AVEN: variants seen among roughly 807,000 people sequenced by gnomAD.
The protein encoded by AVEN is cell death regulator Aven.
AVEN carries 41 observed loss-of-function variants against 38.1 expected under a neutral mutation model. That is an observed-to-expected ratio of 1.08 (90% CI 0.84 to 1.40). The LOEUF is 1.40. Ranked by LOEUF, AVEN falls within the 40% of genes most tolerant of loss-of-function variation. The probability of loss-of-function intolerance (pLI) is 0.00; values close to 1 mark genes in which losing one functional copy is unlikely to be tolerated. For synonymous variants in AVEN, 206 were observed against 171.8 expected (o/e 1.20, Z -1.56); for missense variants, 605 against 438.8 (o/e 1.38, Z -3.38).
At chr15:33,864,058 G>C, downstream of AVEN, 1 of 1,067,190 alleles carries the variant, frequency 9.4e-7, no homozygotes, top group Non-Finnish European at 1.4e-6. Context: ...TAGCCTTTCT[G>C]AGCCCTGATC....
At chr15:33,997,389 C>T (rs979654383) in intron 2 of AVEN, among the ~76,000 whole-genome samples, 3 of 152,028 alleles carry the variant, frequency 2.0e-5, no homozygotes, top group East Asian at 3.9e-4. Context: ...AAAGCAAGCA[C>T]CACAAATACA....
At chr15:34,041,444 G>C (rs1287941844), upstream of AVEN, among the ~76,000 whole-genome samples, 3 of 152,222 alleles carry the variant, frequency 2.0e-5, no homozygotes, top group Non-Finnish European at 4.4e-5. Flanking sequence ...AATGTAGTGA[G>C]AGACGAGACC....
chr15:33,888,068 C>T (rs1891776605), intron 2 of AVEN, among the ~76,000 whole-genome samples: 1 of 152,012 alleles, frequency 6.6e-6, no homozygotes. Flanking sequence ...AGTAACCCCT[C>T]CGTGACAGCA....
chr15:33,894,142 G>A (rs1892107458), intron 2 of AVEN, among the ~76,000 whole-genome samples: 1 of 151,984 alleles, frequency 6.6e-6, no homozygotes, highest in African/African-American at 2.4e-5. Flanking sequence ...TAGAGATGGG[G>A]TTTCGCTATG....
intron 5 of AVEN, among the ~76,000 whole-genome samples, chr15:34,059,088 G>T (rs539415343): frequency 8.6e-5 from 13 of 152,044 alleles, no homozygotes; most frequent in African/African-American, 3.1e-4. Context: ...GTAGAGACAG[G>T]GTTTCATCAT....
intron 2 of AVEN, among the ~76,000 whole-genome samples, chr15:33,950,760 C>T (rs1468752036): frequency 1.3e-5 from 2 of 152,190 alleles, no homozygotes; most frequent in African/African-American, 2.4e-5. Context: ...AATCTCAGCA[C>T]TTTGGGAGGC....
chr15:34,038,677 T>C (rs1303515818), intron 1 of AVEN, 103 bp downstream of exon 1: 1 of 1,016,784 alleles, frequency 9.8e-7, no homozygotes, highest in South Asian at 4.7e-5. Flanking sequence ...GCCGCCCGTC[T>C]GGCGCGCGCC....
chr15:33,867,523 T>C lies in AVEN; in HGVS notation c.945A>G (p.Glu315=). The C allele has an allele frequency of 6.3e-7, 1 of 1,591,890 alleles. No homozygotes were observed. The highest frequency in any genetic ancestry group is 1.2e-5 in the South Asian group (1 of 86,482). ...DQTSQDLKSK[E]DGEVVQEEEV... ...CTTCCTCTTGGACCACCTCCCCATC[T>C]TCCTTGGATTTCAGGTCCTGAGACG... is the stretch of plus-strand genomic sequence containing the variant. The change falls in exon 5 of 6, where the codon GAA becomes GAG. Residue 315 remains glutamate (E), a synonymous_variant. Coordinates refer to ENST00000306730, the MANE Select transcript of AVEN (RefSeq NM_020371.3).
At chr15:33,899,460 C>CTTTTTTTTTTTTTTGTTTTTTTTTT (rs1892391835) in intron 2 of AVEN, among the ~76,000 whole-genome samples, 1 of 65,430 alleles carries the variant, frequency 1.5e-5, no homozygotes, top group African/African-American at 5.7e-5. Flanking sequence ...CAGGGAAAAC[C>CTTTTTTTTTTTTTTGTTTTTTTTTT]TTTTTTTTTT....
chr15:34,033,437 C>A (rs1437587776), intron 1 of AVEN, among the ~76,000 whole-genome samples: 3 of 150,742 alleles, frequency 2.0e-5, no homozygotes, highest in Non-Finnish European at 4.4e-5. Context: ...ACCCAAGAGG[C>A]GGAGATTGCA....
Position 33,938,449 on chromosome 15 carries a change from C to T in AVEN, c.446-62454G>A, listed in dbSNP as rs7179083. Among the ~76,000 whole-genome samples, 515 of 150,896 alleles carry T rather than the reference C, an allele frequency of 3.4e-3. 1 individual carries two copies. The highest frequency in any genetic ancestry group is 0.012 in the African/African-American group (492 of 41,080). On this transcript the variant is annotated intron_variant, in intron 2 of 5. Coordinates refer to ENST00000306730, the MANE Select transcript of AVEN (RefSeq NM_020371.3). ...CAGCCTGGGTGACAGAGCAAGACTC[C>T]GTCTTGAAAAAAATAAAAATAAAAA...
chr15:34,035,663 G>A (rs1899081546), intron 1 of AVEN, among the ~76,000 whole-genome samples: 2 of 151,762 alleles, frequency 1.3e-5, no homozygotes, highest in African/African-American at 4.8e-5. Flanking sequence ...CTAGAGGAAG[G>A]AAAAAAGAAA....
chr15:34,031,920 A>G (rs1488946754), intron 1 of AVEN, among the ~76,000 whole-genome samples: 1 of 152,214 alleles, frequency 6.6e-6, no homozygotes, highest in Non-Finnish European at 1.5e-5. Flanking sequence ...ACACCTTTGT[A>G]GAAAATTTTC....
chr15:34,002,074 C>A (rs2140622949), intron 2 of AVEN, among the ~76,000 whole-genome samples: 1 of 152,242 alleles, frequency 6.6e-6, no homozygotes, highest in Middle Eastern at 3.4e-3. Flanking sequence ...GCCCAGTTTA[C>A]CCCAATGATA....
intron 1 of AVEN, among the ~76,000 whole-genome samples, chr15:34,030,863 CCACCT>C (rs1898754928): frequency 6.6e-6 from 1 of 151,942 alleles, no homozygotes; most frequent in South Asian, 2.1e-4. Context: ...AGCAGTCCTT[CCACCT>C]CACCCTCCCA....
At chr15:34,054,597 C>T (rs1343614940) in intron 5 of AVEN, among the ~76,000 whole-genome samples, 1 of 152,160 alleles carries the variant, frequency 6.6e-6, no homozygotes, top group Non-Finnish European at 1.5e-5. Context: ...AAACTAAACA[C>T]CGCATGTTCT....
At chr15:33,904,035 T>TA (rs1450230782) in intron 2 of AVEN, among the ~76,000 whole-genome samples, 2 of 152,192 alleles carry the variant, frequency 1.3e-5, no homozygotes, top group African/African-American at 2.4e-5. Context: ...AGTATGGTAT[T>TA]AAAATTTTAT....
intron 1 of AVEN, among the ~76,000 whole-genome samples, chr15:34,015,208 G>A (rs1264853016): frequency 6.6e-6 from 1 of 152,136 alleles, no homozygotes; most frequent in Non-Finnish European, 1.5e-5. Flanking sequence ...AATAGGCCGG[G>A]CGCAGTGGCT....
intron 2 of AVEN, among the ~76,000 whole-genome samples, chr15:33,962,814 G>A (rs1292553848): frequency 6.6e-6 from 1 of 151,630 alleles, no homozygotes; most frequent in Non-Finnish European, 1.5e-5. Context: ...CAGCTACTTG[G>A]GAGGCTGAGG....
Sources: gnomAD v4.1 joint callset for allele counts (sites outside exome capture counted in the v4.1 genomes callset) on GRCh38, gnomAD v4.1.1 for gene constraint, MANE v1.5 for transcripts, NCBI Gene and HGNC (gene_info 2026-07-23, HGNC 2026-07-21) for gene names.